HS3ST3B1: variants seen among roughly 807,000 people sequenced by gnomAD.
The protein encoded by HS3ST3B1 is heparan sulfate-glucosamine 3-sulfotransferase 3B1.
In HS3ST3B1, 13 loss-of-function variants were observed where a neutral mutation model predicts 21.3. That is an observed-to-expected ratio of 0.61 (90% CI 0.40 to 0.97). The LOEUF (loss-of-function observed/expected upper bound fraction) is 0.97. HS3ST3B1 is among the 50% of genes least tolerant of loss of function. The pLI is 0.00. For missense variants in HS3ST3B1, 459 were observed against 554.8 expected (o/e 0.83, Z 1.73); for synonymous variants, 234 against 254.8 (o/e 0.92, Z 0.78).
At chr17:14,313,108 G>GTATATATATATATACA (rs1555548200) in intron 1 of HS3ST3B1, among the ~76,000 whole-genome samples, 20 of 73,730 alleles carry the variant, frequency 2.7e-4, no homozygotes, top group African/African-American at 1.2e-3. Flanking sequence ...GTGTGTGTGT[G>GTATATATATATATACA]TATATATATA....
At chr17:14,326,978 G>A (rs1282248561) in intron 1 of HS3ST3B1, among the ~76,000 whole-genome samples, 1 of 149,006 alleles carries the variant, frequency 6.7e-6, no homozygotes, top group Non-Finnish European at 1.5e-5. Flanking sequence ...GTTGTCCCGA[G>A]CACAACTTCT....
intron 1 of HS3ST3B1, among the ~76,000 whole-genome samples, chr17:14,317,686 G>A (rs747022431): frequency 6.6e-6 from 1 of 152,146 alleles, no homozygotes; most frequent in Admixed American, 6.5e-5. Flanking sequence ...GAAACAGTGA[G>A]GGTGCCTGGG....
chr17:14,346,247 CTTTTT>C lies in HS3ST3B1; in HGVS notation c.*619_*623del, dbSNP rs71352467. 81 of 90,338 alleles carry C rather than the reference CTTTTT, an allele frequency of 9.0e-4. No homozygotes were observed. Among genetic ancestry groups the C allele is most frequent in the Admixed American group, 5.5e-3 (33 of 6,034 alleles). 5.6% of individuals were successfully genotyped at this position (90,338 alleles called of 1,614,324 possible). ...AGGGACATCCACATCCTTTTTTTTT[CTTTTT>C]TTTTTTTTTTTTTTTTTGAGATGGA... On this transcript the variant is annotated 3_prime_UTR_variant, in exon 2 of 2. Coordinates refer to ENST00000360954, the MANE Select transcript of HS3ST3B1 (RefSeq NM_006041.3).
At chr17:14,340,372 C>T (rs985034574) in intron 1 of HS3ST3B1, among the ~76,000 whole-genome samples, 1 of 151,956 alleles carries the variant, frequency 6.6e-6, no homozygotes, top group Non-Finnish European at 1.5e-5. Flanking sequence ...ATTCCCCTTA[C>T]CCCTCATGGC....
intron 1 of HS3ST3B1, among the ~76,000 whole-genome samples, chr17:14,332,282 A>G (rs574048337): frequency 1.3e-5 from 2 of 152,272 alleles, no homozygotes; most frequent in South Asian, 4.1e-4. Context: ...GCTTGCTATT[A>G]CAGAAAATGC....
chr17:14,309,779 C>A (rs1214071857), intron 1 of HS3ST3B1, among the ~76,000 whole-genome samples: 1 of 152,184 alleles, frequency 6.6e-6, no homozygotes, highest in African/African-American at 2.4e-5. Context: ...GTTCGGCTCC[C>A]GAGTCCTGCA....
chr17:14,343,062 T>C (rs180977213), intron 1 of HS3ST3B1, among the ~76,000 whole-genome samples: 6 of 152,048 alleles, frequency 3.9e-5, no homozygotes, highest in Admixed American at 3.9e-4. Context: ...GCCAACATGG[T>C]GAAACCCCAT....
chr17:14,319,266 G>C (rs1172967290), intron 1 of HS3ST3B1, among the ~76,000 whole-genome samples: 1 of 152,186 alleles, frequency 6.6e-6, no homozygotes, highest in Admixed American at 6.5e-5. Flanking sequence ...ATTTGGTGCT[G>C]TTTTGTCTCC....
intron 1 of HS3ST3B1, among the ~76,000 whole-genome samples, chr17:14,333,931 G>C (rs559730035): frequency 6.6e-6 from 1 of 152,142 alleles, no homozygotes; most frequent in Non-Finnish European, 1.5e-5. Flanking sequence ...ACCAGCTAAC[G>C]TTTCTATTTT....
In HS3ST3B1 at chr17:14,348,450, A is replaced by G. The variant is rs573023595; in HGVS notation, c.*2804A>G. 6.6e-6 allele frequency: 1 copy of G among 152,358 alleles called. No individual in the cohort carries two copies. The highest frequency in any genetic ancestry group is 1.5e-5 in the Non-Finnish European group (1 of 68,044). 9.4% of individuals were successfully genotyped at this position (152,358 alleles called of 1,614,324 possible). ...AGGGTCTGCAAGGGTCTGATGGTTT[A>G]AAGTTCCTAACAGATCTGGTTGCAG... On this transcript the variant is annotated 3_prime_UTR_variant, in exon 2 of 2. Transcript: ENST00000360954.
intron 1 of HS3ST3B1, among the ~76,000 whole-genome samples, chr17:14,325,899 A>C (rs776164586): frequency 2.6e-5 from 4 of 151,942 alleles, no homozygotes; most frequent in Middle Eastern, 3.2e-3. Context: ...GCATTTGTTT[A>C]CTCTTCCTTT....
At chr17:14,343,530 C>G (rs905876914) in intron 1 of HS3ST3B1, among the ~76,000 whole-genome samples, 6 of 152,128 alleles carry the variant, frequency 3.9e-5, no homozygotes, top group Admixed American at 1.3e-4. Flanking sequence ...CACCTTTTTA[C>G]TCTTTTTCTG....
chr17:14,339,605 G>T (rs1368181231), intron 1 of HS3ST3B1, among the ~76,000 whole-genome samples: 1 of 152,176 alleles, frequency 6.6e-6, no homozygotes, highest in African/African-American at 2.4e-5. Flanking sequence ...GTCTTCATTT[G>T]AATTGGAGAT....
chr17:14,316,654 C>A (rs753679926), intron 1 of HS3ST3B1, among the ~76,000 whole-genome samples: 8 of 152,058 alleles, frequency 5.3e-5, no homozygotes, highest in Non-Finnish European at 1.0e-4. Context: ...AACGTGAGTG[C>A]CACATGTAAA....
chr17:14,302,817 C>G (rs897826320), intron 1 of HS3ST3B1, among the ~76,000 whole-genome samples: 1 of 152,224 alleles, frequency 6.6e-6, no homozygotes, highest in African/African-American at 2.4e-5. Flanking sequence ...CACCGCCGCC[C>G]GTTTCCGCCT....
At chr17:14,302,650 G>A (rs1050682310) in intron 1 of HS3ST3B1, among the ~76,000 whole-genome samples, 12 of 152,154 alleles carry the variant, frequency 7.9e-5, no homozygotes, top group Non-Finnish European at 1.8e-4. Flanking sequence ...CGAGCCGCCT[G>A]GGCTCGGGAG....
chr17:14,338,530 C>T (rs764265768), intron 1 of HS3ST3B1, among the ~76,000 whole-genome samples: 26 of 151,670 alleles, frequency 1.7e-4, no homozygotes, highest in African/African-American at 3.4e-4. Context: ...GCAACCTCTG[C>T]GTCCCAGGTT....
At position 14,301,094 on chromosome 17, in the gene HS3ST3B1, G is replaced by A. The variant is rs1908896172; in HGVS notation, c.-425G>A. 1.1e-5 allele frequency: 2 copies of A among 187,206 alleles called. No individual in the cohort carries two copies. The highest frequency in any genetic ancestry group is 1.4e-4 in the East Asian group (1 of 7,282). 11.6% of individuals were successfully genotyped at this position (187,206 alleles called of 1,614,324 possible). A position where few individuals can be genotyped will look rare whatever the true frequency, so the allele number is the denominator to read the frequency against. On this transcript the variant is annotated 5_prime_UTR_variant, in exon 1 of 2. Transcript: ENST00000360954. ...CTCTCTTCCTGCGCAGTTCGCCTCTGCAGCCTCTGCGGGGAAGTGCCGGGG... is the reference window on the plus strand; with the variant it reads ...CTCTCTTCCTGCGCAGTTCGCCTCTACAGCCTCTGCGGGGAAGTGCCGGGG...
intron 1 of HS3ST3B1, among the ~76,000 whole-genome samples, chr17:14,344,243 C>T (rs1005938187): frequency 6.6e-6 from 1 of 152,104 alleles, no homozygotes; most frequent in African/African-American, 2.4e-5. Flanking sequence ...TTTATAACTT[C>T]AGCTTTTATT....
Sources: gnomAD v4.1 joint callset for allele counts (sites outside exome capture counted in the v4.1 genomes callset) on GRCh38, gnomAD v4.1.1 for gene constraint, MANE v1.5 for transcripts, NCBI Gene and HGNC (gene_info 2026-07-23, HGNC 2026-07-21) for gene names.